NPR3: variants seen among roughly 807,000 people sequenced by gnomAD.
The protein encoded by NPR3 is natriuretic peptide receptor 3.
Under a neutral mutation model 54.5 loss-of-function variants are expected in NPR3, and 34 were observed. That is an observed-to-expected ratio of 0.62 (90% CI 0.47 to 0.83). The LOEUF (loss-of-function observed/expected upper bound fraction) is 0.83. NPR3 is among the 40% of genes least tolerant of loss of function. NPR3 has a pLI of 0.00. For synonymous variants in NPR3, 289 were observed against 297.1 expected (o/e 0.97, Z 0.28); for missense variants, 674 against 720.8 (o/e 0.94, Z 0.74).
At chr5:32,744,432 A>G (rs543063788) in intron 3 of NPR3, among the ~76,000 whole-genome samples, 1 of 152,288 alleles carries the variant, frequency 6.6e-6, no homozygotes, top group East Asian at 1.9e-4. Context: ...TTAGTTCGTT[A>G]GTTTACTGGC....
chr5:32,706,140 A>C (rs1737978102), upstream of NPR3, among the ~76,000 whole-genome samples: 1 of 151,410 alleles, frequency 6.6e-6, no homozygotes, highest in South Asian at 2.1e-4. Flanking sequence ...AGTGTGTGGC[A>C]CCTCCCTGCC....
chr5:32,707,425 T>C (rs1738025263), upstream of NPR3, among the ~76,000 whole-genome samples: 1 of 152,224 alleles, frequency 6.6e-6, no homozygotes, highest in South Asian at 2.1e-4. Flanking sequence ...GGCAAAATTT[T>C]AATTTAATTT....
At position 32,789,842 on chromosome 5, in the gene NPR3, C is replaced by A; in HGVS notation, c.*3497C>A. The A allele has an allele frequency of 2.2e-6, 1 of 455,116 alleles. No homozygotes were observed. The highest frequency in any genetic ancestry group is 1.8e-5 in the South Asian group (1 of 56,468). The allele number at this position is 455,116 out of a possible 1,614,324, so 28.2% of individuals were successfully genotyped here. A position where few individuals can be genotyped will look rare whatever the true frequency, so the allele number is the denominator to read the frequency against. On this transcript the variant is annotated 3_prime_UTR_variant, in exon 8 of 8. Coordinates refer to ENST00000265074, the MANE Select transcript of NPR3 (RefSeq NM_001204375.2). ...CTACCTTCTTGTAAGCCAGTATACA[C>A]TGGCTATTTGTGGAAATCTCTTTGG...
At chr5:32,707,328 T>C (rs1387024201), upstream of NPR3, among the ~76,000 whole-genome samples, 1 of 152,090 alleles carries the variant, frequency 6.6e-6, no homozygotes, top group Non-Finnish European at 1.5e-5. Context: ...TTATTTATAG[T>C]GCTGGCAAAT....
intron 5 of NPR3, among the ~76,000 whole-genome samples, chr5:32,781,147 A>G (rs1742319860): frequency 6.6e-6 from 1 of 152,098 alleles, no homozygotes; most frequent in Non-Finnish European, 1.5e-5. Flanking sequence ...GTGGGTGGTT[A>G]CAAACTCAAT....
At chr5:32,752,786 A>G (rs1418166743) in intron 3 of NPR3, among the ~76,000 whole-genome samples, 1 of 152,228 alleles carries the variant, frequency 6.6e-6, no homozygotes, top group Non-Finnish European at 1.5e-5. Flanking sequence ...ATGGCTGATT[A>G]AAAGCCATTC....
chr5:32,710,776 C>T (rs747147893), upstream of NPR3: 70 of 1,544,332 alleles, frequency 4.5e-5, no homozygotes, highest in Admixed American at 6.8e-4. Flanking sequence ...GTGGCCAGAA[C>T]GAGAAAGGTG....
At chr5:32,725,637 T>A (rs568756576) in intron 2 of NPR3, among the ~76,000 whole-genome samples, 1 of 152,238 alleles carries the variant, frequency 6.6e-6, no homozygotes, top group Non-Finnish European at 1.5e-5. Flanking sequence ...TGGAATAGAC[T>A]AGAACATAAC....
upstream of NPR3, among the ~76,000 whole-genome samples, chr5:32,705,277 T>A (rs1381594858): frequency 6.6e-6 from 1 of 152,258 alleles, no homozygotes; most frequent in Non-Finnish European, 1.5e-5. Context: ...AAGCCCACAG[T>A]GGCAGACCAT....
At chr5:32,782,000 A>T (rs1357170131) in intron 5 of NPR3, among the ~76,000 whole-genome samples, 1 of 152,180 alleles carries the variant, frequency 6.6e-6, no homozygotes, top group African/African-American at 2.4e-5. Flanking sequence ...ACTTCCAAGA[A>T]CCTGGGTGGG....
At chr5:32,781,953 G>A (rs1009615180) in intron 5 of NPR3, among the ~76,000 whole-genome samples, 3 of 152,148 alleles carry the variant, frequency 2.0e-5, no homozygotes, top group African/African-American at 7.2e-5. Flanking sequence ...CCAGCCACTC[G>A]AGAGCCATGC....
At chr5:32,698,180 T>C (rs1740579620) in intron 1 of NPR3, among the ~76,000 whole-genome samples, 1 of 152,060 alleles carries the variant, frequency 6.6e-6, no homozygotes, top group African/African-American at 2.4e-5. Context: ...GGTTTTGGTA[T>C]GTTGTGTTCC....
intron 1 of NPR3, among the ~76,000 whole-genome samples, chr5:32,719,777 A>G (rs180954951): frequency 1.8e-4 from 21 of 118,036 alleles, no homozygotes; most frequent in African/African-American, 6.3e-4. Flanking sequence ...TTTACCACCT[A>G]TGTTGTTGTT....
intron 3 of NPR3, among the ~76,000 whole-genome samples, chr5:32,740,755 T>C (rs1739995839): frequency 6.6e-6 from 1 of 152,204 alleles, no homozygotes; most frequent in Admixed American, 6.5e-5. Flanking sequence ...AGTGTGATTT[T>C]ACACTTACAG....
At chr5:32,725,439 T>C (rs696832) in intron 2 of NPR3, among the ~76,000 whole-genome samples, 16,461 of 152,150 alleles carry the variant, frequency 0.11, 964 homozygotes, top group Admixed American at 0.12. Flanking sequence ...CAAAAAGATA[T>C]CATGTACCTA....
chr5:32,716,613 G>T, intron 1 of NPR3: 2 of 295,466 alleles, frequency 6.8e-6, no homozygotes, highest in South Asian at 6.3e-5. Flanking sequence ...AACATAGCTA[G>T]ACCCCATCTC....
At chr5:32,728,904 C>A (rs1405916466) in intron 2 of NPR3, among the ~76,000 whole-genome samples, 1 of 134,788 alleles carries the variant, frequency 7.4e-6, no homozygotes. Context: ...GGAGATGGGA[C>A]CCAAGTCTAA....
chr5:32,714,685 A>G (rs1422291117), intron 1 of NPR3, among the ~76,000 whole-genome samples: 1 of 152,204 alleles, frequency 6.6e-6, no homozygotes, highest in African/African-American at 2.4e-5. Flanking sequence ...TCGTCCTCCA[A>G]TCGCCTCTAA....
upstream of NPR3, among the ~76,000 whole-genome samples, chr5:32,707,842 T>C (rs932958940): frequency 6.6e-6 from 1 of 152,198 alleles, no homozygotes; most frequent in African/African-American, 2.4e-5. Context: ...GAATCACATG[T>C]TAGTTTTCCT....
Sources: gnomAD v4.1 joint callset for allele counts (sites outside exome capture counted in the v4.1 genomes callset) on GRCh38, gnomAD v4.1.1 for gene constraint, MANE v1.5 for transcripts, NCBI Gene and HGNC (gene_info 2026-07-23, HGNC 2026-07-21) for gene names.